The following WDR7 variants were observed in gnomAD, a reference collection of about 807,000 sequenced individuals.
The protein encoded by WDR7 is WD repeat-containing protein 7.
WDR7 carries 46 observed loss-of-function variants against 169.4 expected under a neutral mutation model. The observed-to-expected ratio is 0.27, with a 90% CI of 0.21 to 0.35. WDR7 has a LOEUF of 0.35. Ranked by LOEUF, WDR7 falls within the 10% of genes least tolerant of loss-of-function variation. The pLI is 1.00. For synonymous variants in WDR7, 612 were observed against 666.8 expected (o/e 0.92, Z 1.27); for missense variants, 1,534 against 1,859.3 (o/e 0.83, Z 3.22).
chr18:56,876,154 A>C (rs2046018877), intron 20 of WDR7, among the ~76,000 whole-genome samples: 1 of 152,134 alleles, frequency 6.6e-6, no homozygotes, highest in Non-Finnish European at 1.5e-5. Flanking sequence ...TAAAACAAAT[A>C]GATAAAATAA....
At chr18:56,857,625 G>A (rs1016467250) in intron 20 of WDR7, among the ~76,000 whole-genome samples, 1 of 152,086 alleles carries the variant, frequency 6.6e-6, no homozygotes, top group African/African-American at 2.4e-5. Flanking sequence ...CCAGCATGTA[G>A]TCTTATATAC....
chr18:56,934,398 C>T (rs1230684847), intron 22 of WDR7, among the ~76,000 whole-genome samples: 1 of 152,008 alleles, frequency 6.6e-6, no homozygotes, highest in African/African-American at 2.4e-5. Context: ...TCGGGCTCTT[C>T]CATGGCAGGG....
chr18:56,732,256 G>A (rs1052654535), intron 14 of WDR7, among the ~76,000 whole-genome samples: 6 of 152,026 alleles, frequency 3.9e-5, no homozygotes, highest in South Asian at 2.1e-4. Flanking sequence ...TTGGTCTGTG[G>A]TATTTGTGTC....
At position 56,990,751 on chromosome 18, in the gene WDR7, TAC is replaced by T. The variant is rs2047800407; in HGVS notation, c.4164+28223_4164+28224del. Among the ~76,000 whole-genome samples, 5 of 152,328 alleles carry T rather than the reference TAC, an allele frequency of 3.3e-5. No homozygotes were observed. The South Asian group carries it at 8.3e-4, about 25-fold the overall frequency. On this transcript the variant is annotated intron_variant, in intron 26 of 27. Coordinates refer to ENST00000254442, the MANE Select transcript of WDR7 (RefSeq NM_015285.3). ...TATATATACCATAGTTATTCTGTCT[TAC>T]CCTCCTACCTATTGCTCCAGCTTTT...
In WDR7 at chr18:57,017,162, A is replaced by G. The variant is rs144062414; in HGVS notation, c.4165-3583A>G. ...GTGCCTGCACAGATCTTAGAAGTTC[A>G]GAGAATCTGAACAAAAGACAATGGC... On this transcript the variant is annotated intron_variant, in intron 26 of 27. Coordinates refer to ENST00000254442, the MANE Select transcript of WDR7 (RefSeq NM_015285.3). 1.9e-3 allele frequency among the ~76,000 whole-genome samples: 282 copies of G among 152,382 alleles called. 1 individual carries two copies. The highest frequency in any genetic ancestry group is 3.1e-3 in the Non-Finnish European group (208 of 68,040).
At chr18:56,987,169 C>T (rs1246093899) in intron 26 of WDR7, among the ~76,000 whole-genome samples, 4 of 151,062 alleles carry the variant, frequency 2.6e-5, no homozygotes, top group Non-Finnish European at 5.9e-5. Context: ...CCACTTAAGC[C>T]TAAGTATTTC....
chr18:56,907,074 C>T (rs72919436), intron 21 of WDR7, among the ~76,000 whole-genome samples: 2,216 of 152,286 alleles, frequency 0.015, 29 homozygotes, highest in Admixed American at 0.038. Context: ...TTCTTTTTCA[C>T]TCAGCTTTCC....
chr18:56,915,748 A>G (rs1330785258), intron 21 of WDR7, among the ~76,000 whole-genome samples: 1 of 152,156 alleles, frequency 6.6e-6, no homozygotes, highest in African/African-American at 2.4e-5. Context: ...TTTTGTAATA[A>G]TTCTATTAAG....
chr18:56,808,380 A>G (rs548176199), intron 19 of WDR7, among the ~76,000 whole-genome samples: 6 of 152,330 alleles, frequency 3.9e-5, no homozygotes, highest in Admixed American at 3.9e-4. Flanking sequence ...AAATAAAAAT[A>G]TCTGCCATTC....
chr18:56,955,536 G>A (rs2047239052), intron 25 of WDR7, among the ~76,000 whole-genome samples: 1 of 152,124 alleles, frequency 6.6e-6, no homozygotes, highest in Non-Finnish European at 1.5e-5. Flanking sequence ...AATATTCTGA[G>A]CATTCATTTT....
chr18:56,991,218 C>T (rs1363668706), intron 26 of WDR7, among the ~76,000 whole-genome samples: 2 of 147,536 alleles, frequency 1.4e-5, no homozygotes, highest in African/African-American at 2.5e-5. Context: ...ACGATCGCGG[C>T]TCACCGCAAG....
At chr18:56,796,429 A>G (rs750536492) in intron 19 of WDR7, among the ~76,000 whole-genome samples, 1 of 152,200 alleles carries the variant, frequency 6.6e-6, no homozygotes, top group Non-Finnish European at 1.5e-5. Flanking sequence ...CTGATTGTGT[A>G]TGTTTCTTTA....
intron 19 of WDR7, among the ~76,000 whole-genome samples, chr18:56,788,339 C>G (rs2044433772): frequency 6.6e-6 from 1 of 152,090 alleles, no homozygotes; most frequent in South Asian, 2.1e-4. Context: ...AATTTTCCTT[C>G]CTCCTCTTTT....
At chr18:56,840,438 TA>T (rs1174328878) in intron 20 of WDR7, among the ~76,000 whole-genome samples, 2 of 152,150 alleles carry the variant, frequency 1.3e-5, no homozygotes, top group African/African-American at 2.4e-5. Context: ...TGTTATCAAG[TA>T]AAAAGTTTTA....
At chr18:56,858,607 C>T (rs1048268647) in intron 20 of WDR7, among the ~76,000 whole-genome samples, 2 of 152,082 alleles carry the variant, frequency 1.3e-5, no homozygotes, top group Non-Finnish European at 2.9e-5. Context: ...TGTGAGCCAC[C>T]GTGCTGGCCT....
At chr18:57,012,451 G>GGTT (rs2048148836) in intron 26 of WDR7, among the ~76,000 whole-genome samples, 1 of 151,898 alleles carries the variant, frequency 6.6e-6, no homozygotes, top group African/African-American at 2.4e-5. Flanking sequence ...GGGAGTCTAG[G>GGTT]GGTTCTGCGA....
Position 56,693,070 on chromosome 18 carries a change from CA to C in WDR7, c.966+1261del, listed in dbSNP as rs533124567. Reference sequence around the variant, plus strand: ...ACATGGCGAGACCCTGTCTCAAAAGCAAAAAAAATTCAGTAAGTAAAGTCAA... The same window carrying C: ...ACATGGCGAGACCCTGTCTCAAAAGCAAAAAAATTCAGTAAGTAAAGTCAA... On this transcript the variant is annotated intron_variant, in intron 9 of 27. Coordinates refer to ENST00000254442, the MANE Select transcript of WDR7 (RefSeq NM_015285.3). 5.0e-4 allele frequency among the ~76,000 whole-genome samples: 75 copies of C among 151,426 alleles called. No individual in the cohort carries two copies. The South Asian group carries it at 0.015, about 30-fold the overall frequency.
At chr18:56,691,865 C>G in intron 9 of WDR7, 48 bp downstream of exon 9, 1 of 1,419,102 alleles carries the variant, frequency 7.0e-7, no homozygotes, top group Non-Finnish European at 9.8e-7. Flanking sequence ...CATTGAAAAA[C>G]TTCTACAACT....
chr18:56,656,684 A>G (rs547426176), intron 1 of WDR7, among the ~76,000 whole-genome samples: 326 of 151,796 alleles, frequency 2.1e-3, no homozygotes, highest in Non-Finnish European at 2.9e-3. Flanking sequence ...CTGGTAGAGC[A>G]CTTTCTCTCA....
Sources: gnomAD v4.1 joint callset for allele counts (sites outside exome capture counted in the v4.1 genomes callset) on GRCh38, gnomAD v4.1.1 for gene constraint, MANE v1.5 for transcripts, NCBI Gene and HGNC (gene_info 2026-07-23, HGNC 2026-07-21) for gene names.